The following SLC16A14 variants were observed in gnomAD, a reference collection of about 807,000 sequenced individuals.
SLC16A14 encodes the protein monocarboxylate transporter 14.
SLC16A14 carries 14 observed loss-of-function variants against 35.8 expected under a neutral mutation model. The observed-to-expected ratio is 0.39, with a 90% CI of 0.26 to 0.61. The LOEUF is 0.61. SLC16A14 is among the 20% of genes least tolerant of loss of function. The pLI is 0.51. For missense variants in SLC16A14, 533 were observed against 655.0 expected, an observed-to-expected ratio of 0.81 and a Z score of 2.03; for synonymous variants, 248 against 258.9, an observed-to-expected ratio of 0.96 and a Z score of 0.40.
chr2:230,056,632 C>A (rs1186262907), intron 2 of SLC16A14, among the ~76,000 whole-genome samples: 1 of 151,958 alleles, frequency 6.6e-6, no homozygotes, highest in Admixed American at 6.6e-5. Context: ...CTTTGAGAGG[C>A]TGAGGCAGGA....
At chr2:230,037,673 TC>T in intron 4 of SLC16A14, 142 bp from the exon 5 acceptor site, 1 of 731,562 alleles carries the variant, frequency 1.4e-6, no homozygotes, top group Non-Finnish European at 2.1e-6. Context: ...GTTTCATTTA[TC>T]CATTTCTTTT....
In SLC16A14 at chr2:230,046,951, CT is replaced by C. The variant is rs1174729326; in HGVS notation, c.404-230del. ...CCGCCATTTTCCCCAACAGGCTTTG[CT>C]GCACAAGTTCCTCCAATAACAAAAT... On this transcript the variant is annotated intron_variant, in intron 3 of 4. Transcript: ENST00000295190. The surrounding 1 kb of genome is among the most constrained non-coding windows in gnomAD (Gnocchi z 5.0). Among the ~76,000 whole-genome samples, 1 of 152,214 alleles carries C rather than the reference CT, an allele frequency of 6.6e-6. No homozygotes were observed. Among genetic ancestry groups the C allele is most frequent in the Non-Finnish European group, 1.5e-5 (1 of 68,038 alleles).
chr2:230,040,515 C>A (rs1311675720), intron 4 of SLC16A14, among the ~76,000 whole-genome samples: 1 of 152,188 alleles, frequency 6.6e-6, no homozygotes, highest in East Asian at 1.9e-4. Flanking sequence ...AGCCACTGTT[C>A]CCGGCCAAAT....
At chr2:230,064,456 T>C (rs144520158) in intron 1 of SLC16A14, among the ~76,000 whole-genome samples, 136 of 152,316 alleles carry the variant, frequency 8.9e-4, no homozygotes, top group African/African-American at 3.1e-3. Flanking sequence ...AAAGGGCCAG[T>C]GGATGAGCCC....
At position 230,046,835 on chromosome 2, in the gene SLC16A14, T is replaced by TAGAAATAAAAAGC; in HGVS notation, c.404-114_404-113insGCTTTTTATTTCT. On this transcript the variant is annotated intron_variant, in intron 3 of 4. Transcript: ENST00000295190. The surrounding 1 kb of genome is among the most constrained non-coding windows in gnomAD (Gnocchi z 5.0). ...TTAATTAGCATCTATTTATGCTTTT[T>TAGAAATAAAAAGC]ATTTCTAACAAAGCAATAACACTGA... The TAGAAATAAAAAGC allele has an allele frequency of 8.0e-7, 1 of 1,250,502 alleles. No homozygotes were observed. Among genetic ancestry groups the TAGAAATAAAAAGC allele is most frequent in the Non-Finnish European group, 1.1e-6 (1 of 929,874 alleles). The allele number at this position is 1,250,502 out of a possible 1,614,324, so 77.5% of individuals were successfully genotyped here.
At position 230,037,536 on chromosome 2, in the gene SLC16A14, A is replaced by G; in HGVS notation, c.1382-5T>C. ...GCGTGATGTCATAGATCCACCCTAC[A>G]AAACAAAAAAGAATATATTCAGTGT... On this transcript the variant is annotated splice_polypyrimidine_tract_variant and splice_region_variant and intron_variant, in intron 4 of 4. Coordinates refer to ENST00000295190, the MANE Select transcript of SLC16A14 (RefSeq NM_152527.5). 1 of 1,592,760 alleles carries G rather than the reference A, an allele frequency of 6.3e-7. No homozygotes were observed. Among genetic ancestry groups the G allele is most frequent in the Non-Finnish European group, 8.5e-7 (1 of 1,173,294 alleles).
intron 4 of SLC16A14, among the ~76,000 whole-genome samples, chr2:230,042,352 A>G (rs2077567743): frequency 6.6e-6 from 1 of 152,220 alleles, no homozygotes; most frequent in African/African-American, 2.4e-5. Context: ...AATGCAGATG[A>G]GTGGACAGCA....
intron 4 of SLC16A14, 119 bp from the exon 5 acceptor site, chr2:230,037,650 A>T: frequency 1.3e-6 from 1 of 780,794 alleles, no homozygotes. Context: ...ATGTCATTTC[A>T]TACCAATAAA....
At chr2:230,050,091 A>G (rs975056406) in intron 2 of SLC16A14, among the ~76,000 whole-genome samples, 187 bp from the exon 3 acceptor site, 11 of 152,364 alleles carry the variant, frequency 7.2e-5, no homozygotes, top group Non-Finnish European at 1.6e-4. Flanking sequence ...TTCATCAGAG[A>G]GCACAAGGTT....
intron 1 of SLC16A14, among the ~76,000 whole-genome samples, chr2:230,060,355 T>C (rs2077741548): frequency 6.6e-6 from 1 of 152,094 alleles, no homozygotes; most frequent in African/African-American, 2.4e-5. Context: ...TGTTTGTTTG[T>C]TTTCCTGAGA....
intron 1 of SLC16A14, among the ~76,000 whole-genome samples, chr2:230,063,824 GGT>G (rs991697094): frequency 2.9e-4 from 44 of 152,278 alleles, no homozygotes; most frequent in African/African-American, 1.0e-3. Context: ...CAATATGCCA[GGT>G]GTGGTGGCTC....
rs775220105 is a variant in SLC16A14 at position 230,059,205 on chromosome 2, A to T, written c.148T>A (p.Ser50Thr). The change falls in exon 2 of 5, where the codon TCC (serine) becomes ACC (threonine). Residue 50 changes from serine (S) to threonine (T), a missense_variant. Physicochemically the swap from Ser to Thr is moderately conservative, Grantham distance 58. Transcript: ENST00000295190. ...TTGAGGACACCCAGGGCCATCTGGG[A>T]GCCCATGATGAGGATGTGCACAAAG... is the stretch of plus-strand genomic sequence containing the variant. ...SFFVHILIMG[S>T]QMALGVLNVE... 6.2e-7 allele frequency: 1 copy of T among 1,614,190 alleles called. No individual in the cohort carries two copies. Among genetic ancestry groups the T allele is most frequent in the Non-Finnish European group, 8.5e-7 (1 of 1,180,044 alleles).
chr2:230,061,393 C>T (rs1175385413), intron 1 of SLC16A14, among the ~76,000 whole-genome samples: 1 of 152,204 alleles, frequency 6.6e-6, no homozygotes, highest in Non-Finnish European at 1.5e-5. Context: ...GACCCTGGCA[C>T]ATGTGTAGTC....
In SLC16A14 at chr2:230,038,801, G is replaced by A. The variant is rs2077537537; in HGVS notation, c.1382-1270C>T. ...GCATGTCTATAATCCCAGCTACCCA[G>A]GAGGCTGAGGCATGAGAATTGCTGG... On this transcript the variant is annotated intron_variant, in intron 4 of 4. Transcript: ENST00000295190. This position sits in a 1 kb window ranked among gnomAD's most constrained non-coding sequence, Gnocchi z 4.4. 6.6e-6 allele frequency among the ~76,000 whole-genome samples: 1 copy of A among 152,136 alleles called. No individual in the cohort carries two copies. The highest frequency in any genetic ancestry group is 2.4e-5 in the African/African-American group (1 of 41,428).
At chr2:230,064,314 A>ATG (rs55698485) in intron 1 of SLC16A14, among the ~76,000 whole-genome samples, 7,325 of 128,430 alleles carry the variant, frequency 0.057, 196 homozygotes, top group Admixed American at 0.082. Context: ...GTGTGTGTGT[A>ATG]TGTGTGTGTG....
chr2:230,048,133 G>A (rs1002535229), intron 3 of SLC16A14, among the ~76,000 whole-genome samples: 1 of 152,156 alleles, frequency 6.6e-6, no homozygotes, highest in African/African-American at 2.4e-5. Context: ...AACATTTACT[G>A]AGCACTTTGC....
intron 4 of SLC16A14, among the ~76,000 whole-genome samples, chr2:230,040,990 C>T (rs2077556391): frequency 6.6e-6 from 1 of 152,148 alleles, no homozygotes; most frequent in Non-Finnish European, 1.5e-5. Context: ...GACCTCAGTT[C>T]TTGGATTTGG....
At chr2:230,056,108 G>C (rs2077701751) in intron 2 of SLC16A14, among the ~76,000 whole-genome samples, 1 of 152,150 alleles carries the variant, frequency 6.6e-6, no homozygotes, top group Non-Finnish European at 1.5e-5. Context: ...ACATAATGGT[G>C]CCTTTATTTA....
rs938479352 is a variant in SLC16A14, at chr2:230,035,426, A to C, written c.*1954T>G. The C allele has an allele frequency of 3.3e-5, 5 of 152,626 alleles. No homozygotes were observed. Among genetic ancestry groups the C allele is most frequent in the Admixed American group, 2.6e-4 (4 of 15,280 alleles). 9.5% of individuals were successfully genotyped at this position (152,626 alleles called of 1,614,324 possible). A position where few individuals can be genotyped will look rare whatever the true frequency, so the allele number is the denominator to read the frequency against. On this transcript the variant is annotated 3_prime_UTR_variant, in exon 5 of 5. Transcript: ENST00000295190. ...AAAATATTTAACACTGCCTCTTGTTAGTTTGATGTTGTCGGAAAATGAAAG... is the reference window on the plus strand; with the variant it reads ...AAAATATTTAACACTGCCTCTTGTTCGTTTGATGTTGTCGGAAAATGAAAG...
Sources: allele counts gnomAD v4.1 joint callset (sites outside exome capture counted in the v4.1 genomes callset), GRCh38; gene constraint gnomAD v4.1.1; non-coding constraint Gnocchi (gnomAD v3.1); transcripts MANE v1.5; gene names NCBI Gene and HGNC (gene_info 2026-07-23, HGNC 2026-07-21).